EPYC: variants seen among roughly 807,000 people sequenced by gnomAD.
EPYC encodes epiphycan.
A neutral mutation model predicts 30.1 loss-of-function variants in EPYC; 28 were observed. The ratio of observed to expected loss-of-function variants is 0.93; its 90% CI spans 0.69 to 1.28. The LOEUF is 1.28. EPYC is among the 50% of genes most tolerant of loss of function. EPYC has a pLI of 0.00. For synonymous variants in EPYC, 144 were observed against 141.4 expected, an observed-to-expected ratio of 1.02 and a Z score of -0.13; for missense variants, 382 against 383.5, an observed-to-expected ratio of 1.00 and a Z score of 0.03.
intron 2 of EPYC, among the ~76,000 whole-genome samples, chr12:90,986,155 G>A (rs1450303586): frequency 6.6e-6 from 1 of 151,904 alleles, no homozygotes; most frequent in Non-Finnish European, 1.5e-5. Context: ...GTTGTCCCCT[G>A]CTTGAGGAAG....
chr12:90,975,609 A>G (rs941068392), intron 3 of EPYC, among the ~76,000 whole-genome samples: 2 of 152,120 alleles, frequency 1.3e-5, no homozygotes, highest in South Asian at 4.2e-4. Flanking sequence ...GCATTACTTG[A>G]CTCAAGCTTT....
chr12:90,993,993 A>C (rs1206375051), intron 2 of EPYC, among the ~76,000 whole-genome samples: 1 of 152,152 alleles, frequency 6.6e-6, no homozygotes, highest in Admixed American at 6.6e-5. Context: ...AACTCATAAA[A>C]ACTTACATTC....
chr12:90,972,122 TTATC>T (rs1877067014), intron 4 of EPYC, 120 bp from the exon 5 acceptor site: 2 of 574,434 alleles, frequency 3.5e-6, no homozygotes, highest in Non-Finnish European at 5.9e-6. Context: ...AATGAGATGA[TTATC>T]TTTCTTTTTA....
intron 6 of EPYC, among the ~76,000 whole-genome samples, chr12:90,968,606 G>T (rs1273331847): frequency 1.3e-5 from 2 of 152,108 alleles, no homozygotes; most frequent in African/African-American, 4.8e-5. Context: ...AAAATTTTAA[G>T]TTGCACTTAT....
Position 90,978,097 on chromosome 12 carries a change from T to C in EPYC, c.331A>G (p.Thr111Ala), listed in dbSNP as rs1323235801. ...CTTTGAGGTACCTGACCTTCATTTG[T>C]GTGTGGCCCCAGAACCCCTGTGAAT... ...PEFTGVLGPH[T>A]NEDFPTCLLC... The change falls in exon 3 of 7, where the codon ACA becomes GCA. Residue 111 changes from threonine (T) to alanine (A), a missense_variant. Transcript: ENST00000261172. 1 of 1,566,724 alleles carries C rather than the reference T, an allele frequency of 6.4e-7. No individual in the cohort carries two copies. Among genetic ancestry groups the C allele is most frequent in the African/African-American group, 1.4e-5 (1 of 71,284 alleles).
chr12:90,976,755 G>C (rs948835145), intron 3 of EPYC, among the ~76,000 whole-genome samples: 1 of 152,056 alleles, frequency 6.6e-6, no homozygotes, highest in African/African-American at 2.4e-5. Context: ...CACATGTTGT[G>C]GGAGAGACCT....
intron 3 of EPYC, among the ~76,000 whole-genome samples, chr12:90,976,820 G>A (rs1368809132): frequency 6.6e-6 from 1 of 152,110 alleles, no homozygotes; most frequent in African/African-American, 2.4e-5. Flanking sequence ...TCTCATGGTA[G>A]TGAATAAGTC....
At chr12:90,974,656 C>T (rs1045008107) in intron 3 of EPYC, among the ~76,000 whole-genome samples, 5 of 151,862 alleles carry the variant, frequency 3.3e-5, no homozygotes, top group African/African-American at 1.2e-4. Context: ...CTTTGTTGTG[C>T]TAGAAGGAGA....
intron 2 of EPYC, among the ~76,000 whole-genome samples, chr12:90,999,179 C>A (rs1171310703): frequency 6.6e-6 from 1 of 151,918 alleles, no homozygotes; most frequent in African/African-American, 2.4e-5. Flanking sequence ...GAAGTGATAT[C>A]CCCAAATACC....
At chr12:90,971,080 G>A (rs1877031352) in intron 5 of EPYC, among the ~76,000 whole-genome samples, 1 of 152,126 alleles carries the variant, frequency 6.6e-6, no homozygotes, top group Admixed American at 6.5e-5. Flanking sequence ...GTAGCCTTCT[G>A]TCTTCAAGAC....
intron 2 of EPYC, among the ~76,000 whole-genome samples, chr12:90,981,710 C>G (rs533053276): frequency 6.6e-6 from 1 of 152,198 alleles, no homozygotes; most frequent in South Asian, 2.1e-4. Context: ...AATCACACAT[C>G]TTCCTGATTG....
At chr12:90,988,081 T>C (rs1310011004) in intron 2 of EPYC, among the ~76,000 whole-genome samples, 1 of 152,160 alleles carries the variant, frequency 6.6e-6, no homozygotes, top group Non-Finnish European at 1.5e-5. Context: ...TCCTTATTGA[T>C]TCATTGATAT....
intron 2 of EPYC, among the ~76,000 whole-genome samples, chr12:90,994,553 A>C (rs1323645217): frequency 1.3e-5 from 2 of 152,126 alleles, no homozygotes; most frequent in African/African-American, 4.8e-5. Context: ...AATGAGGAGG[A>C]AATGGGTGTA....
intron 2 of EPYC, among the ~76,000 whole-genome samples, chr12:91,000,852 C>T (rs1877806705): frequency 6.6e-6 from 1 of 151,956 alleles, no homozygotes; most frequent in African/African-American, 2.4e-5. Context: ...GATGAATTAA[C>T]CACTGAAAAA....
At chr12:90,964,465 G>T (rs1401579032) in intron 6 of EPYC, 139 bp from the exon 7 acceptor site, 5 of 557,650 alleles carry the variant, frequency 9.0e-6, no homozygotes, top group Non-Finnish European at 1.5e-5. Flanking sequence ...TATATGCCAA[G>T]CACTTTCTAA....
chr12:90,996,357 A>G (rs967925765), intron 2 of EPYC, among the ~76,000 whole-genome samples: 2 of 151,912 alleles, frequency 1.3e-5, no homozygotes, highest in African/African-American at 4.8e-5. Flanking sequence ...CATATATTCT[A>G]AAGTTATTAT....
At chr12:90,991,007 C>G (rs998280319) in intron 2 of EPYC, among the ~76,000 whole-genome samples, 1 of 151,958 alleles carries the variant, frequency 6.6e-6, no homozygotes, top group Non-Finnish European at 1.5e-5. Context: ...TAATTTCTTT[C>G]AATTTTATGT....
chr12:90,999,758 A>G (rs1031155925), intron 2 of EPYC, among the ~76,000 whole-genome samples: 2 of 152,034 alleles, frequency 1.3e-5, no homozygotes, highest in African/African-American at 4.8e-5. Flanking sequence ...ACATGACTGG[A>G]TCTATCATCT....
intron 2 of EPYC, among the ~76,000 whole-genome samples, chr12:90,979,906 A>G (rs1877284783): frequency 6.6e-6 from 1 of 152,210 alleles, no homozygotes; most frequent in South Asian, 2.1e-4. Flanking sequence ...TACTTACTTT[A>G]AATTATTTAA....
Sources: gnomAD v4.1 joint callset for allele counts (sites outside exome capture counted in the v4.1 genomes callset) on GRCh38, gnomAD v4.1.1 for gene constraint, MANE v1.5 for transcripts, NCBI Gene and HGNC (gene_info 2026-07-23, HGNC 2026-07-21) for gene names.